ARHGDIG: variants seen among roughly 807,000 people sequenced by gnomAD.
ARHGDIG encodes the protein rho GDP-dissociation inhibitor 3.
Under a neutral mutation model 20.2 loss-of-function variants are expected in ARHGDIG, and 14 were observed. The observed-to-expected ratio is 0.69, with a 90% confidence interval of 0.46 to 1.08. The LOEUF (loss-of-function observed/expected upper bound fraction) is 1.08, where lower values mean the gene tolerates loss of function less well. Among genes scored for constraint, ARHGDIG ranks in the 50% least tolerant of loss-of-function variants. The pLI is 0.00. For synonymous variants in ARHGDIG, 193 were observed against 138.6 expected, an observed-to-expected ratio of 1.39 and a Z score of -2.76; for missense variants, 311 against 301.8, an observed-to-expected ratio of 1.03 and a Z score of -0.23.
At position 282,737 on chromosome 16, in the gene ARHGDIG, C is replaced by T. The variant is rs1308855135; in HGVS notation, c.601C>T (p.Leu201Phe). 3.1e-6 allele frequency: 5 copies of T among 1,606,302 alleles called. No individual in the cohort carries two copies. The African/African-American group carries it at 6.7e-5, about 21-fold the overall frequency. ...GCGGGGCCCCTATCTGGTGGTGTCC[C>T]TCTTCACCGACGATGACAGGACGCA... ...LVRGPYLVVS[L>F]FTDDDRTHHL... Residue 201 changes from leucine (L) to phenylalanine (F), a missense_variant, in exon 6 of 6, where the codon CTC (leucine) becomes TTC (phenylalanine). Leu to Phe is a conservative substitution (Grantham distance 22). Coordinates refer to ENST00000219409, the MANE Select transcript of ARHGDIG (RefSeq NM_001176.4).
In ARHGDIG at chr16:282,455, C is replaced by T. The variant is rs1407426369; in HGVS notation, c.415-12C>T. 6.2e-7 allele frequency: 1 copy of T among 1,611,948 alleles called. No individual in the cohort carries two copies. Among genetic ancestry groups the T allele is most frequent in the Non-Finnish European group, 8.5e-7 (1 of 1,179,928 alleles). On this transcript the variant is annotated splice_polypyrimidine_tract_variant and intron_variant, in intron 4 of 5. Transcript: ENST00000219409. Reference sequence around the variant, plus strand: ...TGGCCCCCAGAGGAACCCCTAATGCCTCTGTTCCCAGGTCCACAGGGAGAT... The same window carrying T: ...TGGCCCCCAGAGGAACCCCTAATGCTTCTGTTCCCAGGTCCACAGGGAGAT...
In ARHGDIG at chr16:282,930, G is replaced by A; in HGVS notation, c.*116G>A. 1.7e-6 allele frequency: 2 copies of A among 1,145,700 alleles called. No individual in the cohort carries two copies. Among genetic ancestry groups the A allele is most frequent in the South Asian group, 3.1e-5 (2 of 64,874 alleles). The allele number at this position is 1,145,700 out of a possible 1,614,324, so 71.0% of individuals were successfully genotyped here. On this transcript the variant is annotated 3_prime_UTR_variant, in exon 6 of 6. Transcript: ENST00000219409. ...CCCTGCTGCCCCTGCTGCCCCTGCT[G>A]CCCCTGCTCTGTCCCGGGACCCCCT...
chr16:281,828 G>T lies in ARHGDIG; in HGVS notation c.156G>T (p.Gly52=), dbSNP rs746605168. 2.5e-6 allele frequency: 4 copies of T among 1,611,838 alleles called. No homozygotes were observed. The African/African-American group carries it at 4.0e-5, about 16-fold the overall frequency. ...DEAVPEYRAP[G]RKSLLEIRQL... ...CTGTGCCCGAGTACCGGGCGCCGGG[G>T]AGGAAGAGCCTCTTGGAGATCCGGC... The change falls in exon 2 of 6, where the codon GGG becomes GGT. Residue 52 remains glycine, a synonymous_variant. Transcript: ENST00000219409.
chr16:281,560 G>C, intron 1 of ARHGDIG, 186 bp from the exon 2 acceptor site: 4 of 631,968 alleles, frequency 6.3e-6, no homozygotes, highest in Non-Finnish European at 1.1e-5. Flanking sequence ...CTGAAGGTCT[G>C]GGTGCGGTGC....
chr16:280,677 C>T lies in ARHGDIG; in HGVS notation c.-4C>T. On this transcript the variant is annotated 5_prime_UTR_variant, in exon 1 of 6. Transcript: ENST00000219409. This position sits in a 1 kb window ranked among gnomAD's most constrained non-coding sequence, Gnocchi z 6.6. The stretch of plus-strand genomic sequence containing the variant: ...GCTCCGCGGCGCCCGGGCCGCGCGC[C>T]GCCATGCTGGGCCTGGACGCGTGCG... 1 of 1,090,918 alleles carries T rather than the reference C, an allele frequency of 9.2e-7. No homozygotes were observed. The highest frequency in any genetic ancestry group is 4.2e-5 in the South Asian group (1 of 23,674). 67.6% of individuals were successfully genotyped at this position (1,090,918 alleles called of 1,614,324 possible).
intron 5 of ARHGDIG, 28 bp downstream of exon 5, chr16:282,558 C>CGGGGGGGGAAAGGGGG (rs2052298619): frequency 2.6e-5 from 34 of 1,313,244 alleles, no homozygotes; most frequent in Middle Eastern, 2.7e-4. Flanking sequence ...GGGAACGGGG[C>CGGGGGGGGAAAGGGGG]GGGGGGGGGA....
intron 1 of ARHGDIG, chr16:281,492 C>T (rs1195448171): frequency 3.2e-5 from 15 of 467,150 alleles, no homozygotes; most frequent in Middle Eastern, 5.5e-4. Context: ...AGGGAGGGGG[C>T]CCTTGTGGAC....
At position 282,508 on chromosome 16, in the gene ARHGDIG, C is replaced by T. The variant is rs771441255; in HGVS notation, c.456C>T (p.His152=). 1.8e-5 allele frequency: 29 copies of T among 1,605,914 alleles called. No homozygotes were observed. The highest frequency in any genetic ancestry group is 1.8e-4 in the Middle Eastern group (1 of 5,548). The change falls in exon 5 of 6, where the codon CAC becomes CAT. Residue 152 remains histidine (H), a synonymous_variant. Transcript: ENST00000219409. ...EIVSGLKCLH[H]TYRRGLRVDK... is the part of the protein sequence containing the mutation. The stretch of plus-strand genomic sequence containing the variant: ...TCAGCGGCCTCAAGTGTCTGCACCA[C>T]ACCTACCGCCGGGGCCTGCGCGGTG...
chr16:282,052 C>G lies in ARHGDIG; in HGVS notation c.281C>G (p.Thr94Ser). The change falls in exon 3 of 6, where the codon ACC becomes AGC. Residue 94 changes from threonine (T) to serine (S), a missense_variant. Physicochemically the swap from Thr to Ser is moderately conservative, Grantham distance 58. Transcript: ENST00000219409. ...VDPSLPNVQV[T>S]RLTLLSEQAP... The stretch of plus-strand genomic sequence containing the variant: ...CCAAGCCTGCCCAATGTGCAGGTGA[C>G]CAGGCTGACACTCCTGTCGGAACAG... 6.2e-7 allele frequency: 1 copy of G among 1,612,782 alleles called. No individual in the cohort carries two copies. The highest frequency in any genetic ancestry group is 8.5e-7 in the Non-Finnish European group (1 of 1,179,914).
Position 280,855 on chromosome 16 carries a change from G to A in ARHGDIG, c.73+102G>A. On this transcript the variant is annotated intron_variant, in intron 1 of 5. Transcript: ENST00000219409. The surrounding 1 kb of genome is among the most constrained non-coding windows in gnomAD (Gnocchi z 6.6). Reference sequence around the variant, plus strand: ...CTTTGGGGGCGCGCATGGGGACCTCGCGGCGCCGACCCCCCGGCTGGGGTC... The same window carrying A: ...CTTTGGGGGCGCGCATGGGGACCTCACGGCGCCGACCCCCCGGCTGGGGTC... 1 of 710,878 alleles carries A rather than the reference G, an allele frequency of 1.4e-6. No homozygotes were observed. The highest frequency in any genetic ancestry group is 1.8e-6 in the Non-Finnish European group (1 of 548,182). The allele number at this position is 710,878 out of a possible 1,614,324, so 44.0% of individuals were successfully genotyped here.
chr16:282,968 T>A lies in ARHGDIG; in HGVS notation c.*154T>A. On this transcript the variant is annotated 3_prime_UTR_variant, in exon 6 of 6. Coordinates refer to ENST00000219409, the MANE Select transcript of ARHGDIG (RefSeq NM_001176.4). ...CCCGGGACCCCCTGGCCTGGCGCTG[T>A]CCCCTGAGCTGTCCCATTAAACATG... is the stretch of plus-strand genomic sequence containing the variant. 1.1e-6 allele frequency: 1 copy of A among 935,038 alleles called. No homozygotes were observed. Among genetic ancestry groups the A allele is most frequent in the South Asian group, 1.8e-5 (1 of 56,804 alleles). The allele number at this position is 935,038 out of a possible 1,614,324, so 57.9% of individuals were successfully genotyped here.
intron 5 of ARHGDIG, 28 bp downstream of exon 5, chr16:282,558 C>CGGGGGGGGGGGGGGGGGGGGGAGGGGGG: frequency 1.5e-6 from 2 of 1,313,280 alleles, no homozygotes. Context: ...GGGAACGGGG[C>CGGGGGGGGGGGGGGGGGGGGGAGGGGGG]GGGGGGGGGA....
In ARHGDIG at chr16:280,877, G is replaced by T. The variant is rs1424172459; in HGVS notation, c.73+124G>T. 1 of 454,962 alleles carries T rather than the reference G, an allele frequency of 2.2e-6. No homozygotes were observed. 28.2% of individuals were successfully genotyped at this position (454,962 alleles called of 1,614,324 possible). ...CTCGCGGCGCCGACCCCCCGGCTGGGGTCTGGCAGGGGTGGGGGACTTCAT... is the reference window on the plus strand; with the variant it reads ...CTCGCGGCGCCGACCCCCCGGCTGGTGTCTGGCAGGGGTGGGGGACTTCAT... On this transcript the variant is annotated intron_variant, in intron 1 of 5. Transcript: ENST00000219409. The surrounding 1 kb of genome is among the most constrained non-coding windows in gnomAD (Gnocchi z 6.6).
rs764978508 is a variant in ARHGDIG, at chr16:281,767, G to T, written c.95G>T (p.Gly32Val). 1 of 1,601,280 alleles carries T rather than the reference G, an allele frequency of 6.2e-7. No individual in the cohort carries two copies. The highest frequency in any genetic ancestry group is 8.5e-7 in the Non-Finnish European group (1 of 1,174,264). ...CARVLLADKE[G>V]GPPAVDEVLD... The stretch of plus-strand genomic sequence containing the variant: ...CCAGTCCTCCTGGCTGACAAGGAGG[G>T]TGGGCCGCCGGCAGTGGACGAGGTG... The change falls in exon 2 of 6, where the codon GGT becomes GTT. Residue 32 changes from glycine (G) to valine (V), a missense_variant. Coordinates refer to ENST00000219409, the MANE Select transcript of ARHGDIG (RefSeq NM_001176.4).
chr16:283,009 G>A lies in ARHGDIG; in HGVS notation c.*195G>A, dbSNP rs1233928848. 4.4e-5 allele frequency: 41 copies of A among 930,912 alleles called. No homozygotes were observed. Among genetic ancestry groups the A allele is most frequent in the Non-Finnish European group, 5.1e-5 (33 of 645,976 alleles). 57.7% of individuals were successfully genotyped at this position (930,912 alleles called of 1,614,324 possible). ...ATTAAACATGGCCCTGTCTCTCTCG[G>A]TGCCCTGGGTGTCGTCTCTTTCTGC... On this transcript the variant is annotated 3_prime_UTR_variant, in exon 6 of 6. Transcript: ENST00000219409.
intron 2 of ARHGDIG, 40 bp downstream of exon 2, chr16:281,965 G>T: frequency 6.2e-7 from 1 of 1,600,176 alleles, no homozygotes; most frequent in South Asian, 1.1e-5. Context: ...GGGTCTGGGG[G>T]GCTGGTGAGG....
In ARHGDIG at chr16:282,522, G is replaced by T. The variant is rs1567248181; in HGVS notation, c.470G>T (p.Gly157Val). The T allele has an allele frequency of 4.4e-6, 7 of 1,603,478 alleles. No homozygotes were observed. The highest frequency in any genetic ancestry group is 5.1e-6 in the Non-Finnish European group (6 of 1,177,536). The change falls in exon 5 of 6, where the codon GGC becomes GTC. Residue 157 changes from glycine (G) to valine (V), a missense_variant. Transcript: ENST00000219409. ...TGTCTGCACCACACCTACCGCCGGG[G>T]CCTGCGCGGTGAGGGCAGCGGTGGG... The part of the protein sequence containing the change: ...LKCLHHTYRR[G>V]LRVDKTVYMV...
intron 1 of ARHGDIG, chr16:281,307 GC>G (rs202080426): frequency 1.5e-4 from 22 of 146,128 alleles, no homozygotes; most frequent in African/African-American, 7.7e-4. Context: ...GGGTCAGTAG[GC>G]TTGGGGGGCC....
chr16:282,418 C>T, intron 4 of ARHGDIG, 45 bp downstream of exon 4: 3 of 1,612,046 alleles, frequency 1.9e-6, no homozygotes, highest in Non-Finnish European at 2.5e-6. Flanking sequence ...GTGGGGGCAA[C>T]AGCCAGAGGC....
Sources: gnomAD v4.1 joint callset for allele counts on GRCh38, gnomAD v4.1.1 for gene constraint, Gnocchi (gnomAD v3.1) non-coding constraint, MANE v1.5 for transcripts, NCBI Gene and HGNC (gene_info 2026-07-23, HGNC 2026-07-21) for gene names.